Variants in MTOR observed in about 807,000 individuals in gnomAD.
MTOR encodes serine/threonine-protein kinase mTOR.
Under a neutral mutation model 319.8 loss-of-function variants are expected in MTOR, and 70 were observed. The observed-to-expected ratio is 0.22, with a 90% CI of 0.18 to 0.27. MTOR has a LOEUF of 0.27. MTOR is among the 10% of genes least tolerant of loss of function. The pLI, the probability that MTOR is intolerant of heterozygous loss-of-function variation, is 1.00. For synonymous variants in MTOR, 1,183 were observed against 1,211.4 expected (o/e 0.98, Z 0.49); for missense variants, 1,890 against 3,274.4 (o/e 0.58, Z 10.32).
At chr1:11,186,857 G>T (rs551939971) in intron 28 of MTOR, among the ~76,000 whole-genome samples, 6 of 152,130 alleles carry the variant, frequency 3.9e-5, no homozygotes, top group Non-Finnish European at 8.8e-5. Context: ...AAACTGGAGG[G>T]GGGGTGAGTA....
intron 28 of MTOR, chr1:11,193,545 G>T (rs759614247): frequency 3.9e-6 from 6 of 1,543,652 alleles, no homozygotes; most frequent in Non-Finnish European, 5.2e-6. Context: ...TTCTGCCCCT[G>T]CAAGTCCCTC....
At chr1:11,248,923 G>A (rs897356687) in intron 6 of MTOR, among the ~76,000 whole-genome samples, 1 of 152,030 alleles carries the variant, frequency 6.6e-6, no homozygotes, top group Non-Finnish European at 1.5e-5. Flanking sequence ...TTTACAATGG[G>A]CTGCTTAATC....
At chr1:11,202,664 G>A (rs1001597662) in intron 26 of MTOR, among the ~76,000 whole-genome samples, 1 of 151,448 alleles carries the variant, frequency 6.6e-6, no homozygotes, top group Non-Finnish European at 1.5e-5. Flanking sequence ...TATAAATCAC[G>A]GCACTTTTGG....
rs2100921975 is a variant in MTOR at position 11,243,148 on chromosome 1, G to A, written c.1378C>T (p.Arg460Ter). 5 of 1,614,150 alleles carry A rather than the reference G, an allele frequency of 3.1e-6. No individual in the cohort carries two copies. Among genetic ancestry groups the A allele is most frequent in the East Asian group, 2.2e-5 (1 of 44,870 alleles). The change falls in exon 9 of 58, where the codon CGA becomes TGA. Residue 460 changes from arginine to a stop codon, truncating the protein, a stop_gained. Coordinates refer to ENST00000361445, the MANE Select transcript of MTOR (RefSeq NM_004958.4). LOFTEE classifies it high-confidence loss of function. ...AAGTCCTTTGGGGGCAGGGCCGCTC[G>A]GATGATGTCCAGCACGCGAGGCAAA... ...VYLPRVLDII[R>*]AALPPKDFAH...
chr1:11,211,463 G>T (rs993520063), intron 23 of MTOR, among the ~76,000 whole-genome samples: 2 of 152,174 alleles, frequency 1.3e-5, no homozygotes, highest in Non-Finnish European at 2.9e-5. Flanking sequence ...GAACTCCTGG[G>T]CTCAAGCGAT....
chr1:11,144,231 A>G (rs1643846091), intron 34 of MTOR, among the ~76,000 whole-genome samples: 2 of 152,224 alleles, frequency 1.3e-5, no homozygotes, highest in African/African-American at 4.8e-5. Flanking sequence ...GGGGAACCTG[A>G]AAAGATACTG....
intron 1 of MTOR, among the ~76,000 whole-genome samples, chr1:11,259,776 C>T (rs1650872806): frequency 6.6e-6 from 1 of 152,078 alleles, no homozygotes; most frequent in South Asian, 2.1e-4. Flanking sequence ...AAACCCATCT[C>T]TATGAAAAAT....
At chr1:11,241,038 T>C (rs1367905648) in intron 10 of MTOR, among the ~76,000 whole-genome samples, 1 of 145,372 alleles carries the variant, frequency 6.9e-6, no homozygotes, top group African/African-American at 2.6e-5. Context: ...AAAAAAAAAA[T>C]GAGGCCAGGC....
intron 28 of MTOR, among the ~76,000 whole-genome samples, chr1:11,192,939 T>C (rs1483894525): frequency 6.6e-6 from 1 of 152,052 alleles, no homozygotes; most frequent in Non-Finnish European, 1.5e-5. Context: ...CCACATAACT[T>C]AGTTTAAATC....
chr1:11,241,831 C>T, intron 9 of MTOR, 150 bp from the exon 10 acceptor site: 1 of 750,526 alleles, frequency 1.3e-6, no homozygotes, highest in Non-Finnish European at 2.1e-6. Context: ...TTCAAAGGGA[C>T]CCATCACATC....
intron 28 of MTOR, among the ~76,000 whole-genome samples, chr1:11,185,306 T>C (rs1645279328): frequency 1.3e-5 from 2 of 150,320 alleles, no homozygotes; most frequent in South Asian, 4.2e-4. Flanking sequence ...CCAGGTGTGG[T>C]GGCTCATGCC....
At chr1:11,232,574 C>T in intron 15 of MTOR, 46 bp from the exon 16 acceptor site, 2 of 1,552,742 alleles carry the variant, frequency 1.3e-6, no homozygotes, top group Non-Finnish European at 1.8e-6. Context: ...GAAATTCTGG[C>T]ATTAGAAAGT....
intron 25 of MTOR, among the ~76,000 whole-genome samples, chr1:11,207,409 CTTTTTTT>C (rs386366225): frequency 8.8e-6 from 1 of 114,174 alleles, no homozygotes; most frequent in Non-Finnish European, 1.7e-5. Context: ...CCCCCTACCT[CTTTTTTT>C]TTTTTTTTTT....
intron 6 of MTOR, among the ~76,000 whole-genome samples, chr1:11,251,057 C>T (rs1438055123): frequency 1.3e-5 from 2 of 152,204 alleles, no homozygotes; most frequent in Non-Finnish European, 2.9e-5. Context: ...ATTCTCAACA[C>T]AATGGCAAGA....
intron 26 of MTOR, 56 bp downstream of exon 26, chr1:11,204,505 T>C (rs1412917653): frequency 3.3e-5 from 51 of 1,527,368 alleles, no homozygotes; most frequent in Non-Finnish European, 4.3e-5. Flanking sequence ...AAAAACTAAT[T>C]TGTATATATC....
In MTOR at chr1:11,213,057, C is replaced by T. The variant is rs1569579492; in HGVS notation, c.3286-149G>A. ...GCCTTGAACTATATCCTTTTGATAG[C>T]ACTTTCTTCCCCTCATTTTATTTGC... On this transcript the variant is annotated intron_variant, in intron 21 of 57. Transcript: ENST00000361445. The T allele has an allele frequency of 8.0e-6, 5 of 623,322 alleles. No homozygotes were observed. The East Asian group carries it at 1.4e-4, about 17-fold the overall frequency. The allele number at this position is 623,322 out of a possible 1,614,324, so 38.6% of individuals were successfully genotyped here.
chr1:11,245,487 T>C (rs191356366), intron 8 of MTOR, among the ~76,000 whole-genome samples: 2 of 152,300 alleles, frequency 1.3e-5, no homozygotes, highest in Admixed American at 1.3e-4. Flanking sequence ...CAAATGACAA[T>C]GAGGCATGCT....
At chr1:11,148,539 T>C (rs1288814227) in intron 31 of MTOR, among the ~76,000 whole-genome samples, 2 of 152,046 alleles carry the variant, frequency 1.3e-5, no homozygotes, top group Non-Finnish European at 2.9e-5. Flanking sequence ...ATTATAGAGA[T>C]GACTTTATGA....
At chr1:11,216,776 C>A (rs1255356510) in intron 19 of MTOR, among the ~76,000 whole-genome samples, 1 of 152,110 alleles carries the variant, frequency 6.6e-6, no homozygotes, top group Non-Finnish European at 1.5e-5. Flanking sequence ...TTGTAACCCT[C>A]ATTTAACCTC....
Sources: allele counts gnomAD v4.1 joint callset (sites outside exome capture counted in the v4.1 genomes callset), GRCh38; gene constraint gnomAD v4.1.1; transcripts MANE v1.5; gene names NCBI Gene and HGNC (gene_info 2026-07-23, HGNC 2026-07-21).